Variants in SCG5 observed in about 807,000 individuals in gnomAD.
The protein encoded by SCG5 is neuroendocrine protein 7B2.
SCG5 carries 18 observed loss-of-function variants against 25.7 expected under a neutral mutation model. That is an observed-to-expected ratio of 0.70 (90% CI 0.48 to 1.04). SCG5 has a LOEUF of 1.04. SCG5 is among the 50% of genes least tolerant of loss of function. The pLI is 0.00. For missense variants in SCG5, 206 were observed against 259.8 expected (o/e 0.79, Z 1.42); for synonymous variants, 101 against 91.7 (o/e 1.10, Z -0.58).
chr15:32,655,166 G>C (rs1390444056), intron 2 of SCG5, among the ~76,000 whole-genome samples: 2 of 152,142 alleles, frequency 1.3e-5, no homozygotes, highest in Non-Finnish European at 2.9e-5. Flanking sequence ...AAATTAGCTG[G>C]ACGTGGTGGC....
chr15:32,694,608 G>GGGTA (rs1369626583), intron 5 of SCG5, among the ~76,000 whole-genome samples: 1 of 152,020 alleles, frequency 6.6e-6, no homozygotes, highest in Non-Finnish European at 1.5e-5. Flanking sequence ...TGATCCCCTG[G>GGGTA]GGTAGGCCAA....
At chr15:32,691,674 T>A in intron 4 of SCG5, 36 bp from the exon 5 acceptor site, 1 of 1,534,036 alleles carries the variant, frequency 6.5e-7, no homozygotes, top group Non-Finnish European at 8.9e-7. Context: ...TGATCCATAC[T>A]TCTGCATTTT....
At chr15:32,663,050 TA>T (rs2054252403) in intron 2 of SCG5, among the ~76,000 whole-genome samples, 1 of 31,824 alleles carries the variant, frequency 3.1e-5, no homozygotes, top group Non-Finnish European at 6.2e-5. Context: ...TATATATATA[TA>T]TATATATATA....
intron 2 of SCG5, among the ~76,000 whole-genome samples, chr15:32,654,625 T>C (rs2054084754): frequency 6.6e-6 from 1 of 152,236 alleles, no homozygotes; most frequent in African/African-American, 2.4e-5. Context: ...CCTGGGCTCA[T>C]TGTTGATACT....
intron 2 of SCG5, among the ~76,000 whole-genome samples, chr15:32,673,979 A>G (rs1476971332): frequency 5.3e-5 from 8 of 152,152 alleles, no homozygotes; most frequent in Admixed American, 5.2e-4. Flanking sequence ...TCTGCCTCCC[A>G]AAGTGCTGGC....
At chr15:32,691,445 A>G (rs2054854575) in intron 4 of SCG5, among the ~76,000 whole-genome samples, 1 of 152,230 alleles carries the variant, frequency 6.6e-6, no homozygotes, top group Non-Finnish European at 1.5e-5. Context: ...ATGTTTTAAA[A>G]TGTCGTATTT....
intron 2 of SCG5, among the ~76,000 whole-genome samples, chr15:32,664,241 C>T (rs76047965): frequency 0.21 from 31,947 of 152,046 alleles, 3,518 homozygotes; most frequent in Non-Finnish European, 0.23. Flanking sequence ...GAAGGTCATA[C>T]GCCAGCTATT....
At chr15:32,685,723 T>C (rs994446201) in intron 4 of SCG5, among the ~76,000 whole-genome samples, 2 of 152,198 alleles carry the variant, frequency 1.3e-5, no homozygotes, top group African/African-American at 4.8e-5. Flanking sequence ...GTTTCTGTGG[T>C]TGGGCCAGAT....
rs1223782046 is a variant in SCG5 at position 32,681,522 on chromosome 15, C to T, written c.376+1607C>T. Among the ~76,000 whole-genome samples, 12 of 140,022 alleles carry T rather than the reference C, an allele frequency of 8.6e-5. No homozygotes were observed. The Admixed American group carries it at 8.9e-4, about 10-fold the overall frequency. 91.9% of individuals were successfully genotyped at this position (140,022 alleles called of 152,430 possible). A position where few individuals can be genotyped will look rare whatever the true frequency, so the allele number is the denominator to read the frequency against. On this transcript the variant is annotated intron_variant, in intron 3 of 5. Coordinates refer to ENST00000300175, the MANE Select transcript of SCG5 (RefSeq NM_001144757.3). ...TTTGAGATAGGGTCTTACTTTGTTGCCCAGGTGGGAGTGTAGTGGCACAAT... is the reference window on the plus strand; with the variant it reads ...TTTGAGATAGGGTCTTACTTTGTTGTCCAGGTGGGAGTGTAGTGGCACAAT...
intron 2 of SCG5, among the ~76,000 whole-genome samples, chr15:32,660,058 C>T (rs956000703): frequency 1.1e-4 from 16 of 152,192 alleles, no homozygotes; most frequent in African/African-American, 3.1e-4. Context: ...GTAAATGATA[C>T]ATAATACTAA....
At chr15:32,653,547 A>C (rs117209336) in intron 2 of SCG5, among the ~76,000 whole-genome samples, 3,808 of 152,324 alleles carry the variant, frequency 0.025, 62 homozygotes, top group Non-Finnish European at 0.036. Flanking sequence ...ATGTATAGAG[A>C]GACAGACAGT....
chr15:32,687,269 T>C (rs900228243), intron 4 of SCG5, among the ~76,000 whole-genome samples: 1 of 152,212 alleles, frequency 6.6e-6, no homozygotes, highest in African/African-American at 2.4e-5. Context: ...TTCTCTGTGC[T>C]TCCTTCTCGA....
At chr15:32,675,058 C>A (rs1359254810) in intron 2 of SCG5, among the ~76,000 whole-genome samples, 1 of 152,160 alleles carries the variant, frequency 6.6e-6, no homozygotes, top group Non-Finnish European at 1.5e-5. Flanking sequence ...TGCATGGTAC[C>A]AATTTTATTA....
At chr15:32,652,051 A>C (rs144302734) in intron 2 of SCG5, among the ~76,000 whole-genome samples, 393 of 152,358 alleles carry the variant, frequency 2.6e-3, no homozygotes, top group Middle Eastern at 0.017. Flanking sequence ...AACTGGGATA[A>C]ATCGGCCAGA....
chr15:32,679,640 AT>A, intron 2 of SCG5, 125 bp from the exon 3 acceptor site: 2 of 1,013,124 alleles, frequency 2.0e-6, no homozygotes, highest in East Asian at 2.4e-5. Flanking sequence ...GGCAAGAACC[AT>A]TTCATTTATT....
intron 2 of SCG5, among the ~76,000 whole-genome samples, chr15:32,669,387 C>T (rs2054377755): frequency 6.6e-6 from 1 of 152,088 alleles, no homozygotes; most frequent in Admixed American, 6.5e-5. Flanking sequence ...AGTTTTGTGT[C>T]CATATCCTCA....
intron 1 of SCG5, among the ~76,000 whole-genome samples, chr15:32,643,165 AT>A (rs1361847116): frequency 2.6e-5 from 4 of 152,152 alleles, no homozygotes; most frequent in African/African-American, 9.7e-5. Context: ...TTAGACTTTT[AT>A]TCCCAGAGAC....
intron 2 of SCG5, among the ~76,000 whole-genome samples, chr15:32,664,017 C>T (rs199688476): frequency 1.3e-5 from 2 of 152,164 alleles, no homozygotes; most frequent in Non-Finnish European, 2.9e-5. Context: ...GTAAGAAGAG[C>T]ACTGAATTTG....
chr15:32,671,875 C>T (rs1312623120), intron 2 of SCG5, among the ~76,000 whole-genome samples: 1 of 152,160 alleles, frequency 6.6e-6, no homozygotes, highest in Non-Finnish European at 1.5e-5. Flanking sequence ...TTCCTCGCCC[C>T]ACTCCGCTTT....
Sources: allele counts gnomAD v4.1 joint callset (sites outside exome capture counted in the v4.1 genomes callset), GRCh38; gene constraint gnomAD v4.1.1; transcripts MANE v1.5; gene names NCBI Gene and HGNC (gene_info 2026-07-23, HGNC 2026-07-21).